The following GRIA1 variants were observed in gnomAD, a reference collection of about 807,000 sequenced individuals.
The protein encoded by GRIA1 is glutamate receptor 1.
Under a neutral mutation model 99.2 loss-of-function variants are expected in GRIA1, and 31 were observed. The observed-to-expected ratio is 0.31, with a 90% CI of 0.23 to 0.42. GRIA1 has a LOEUF of 0.42. Among genes scored for constraint, GRIA1 ranks in the 10% least tolerant of loss-of-function variants. The pLI is 1.00. For synonymous variants in GRIA1, 438 were observed against 432.4 expected, an observed-to-expected ratio of 1.01 and a Z score of -0.16; for missense variants, 782 against 1,157.5, an observed-to-expected ratio of 0.68 and a Z score of 4.71.
intron 2 of GRIA1, among the ~76,000 whole-genome samples, chr5:153,533,525 A>G (rs1246362906): frequency 6.6e-6 from 1 of 151,926 alleles, no homozygotes; most frequent in Non-Finnish European, 1.5e-5. Context: ...TCCATTTCCC[A>G]CTCTTTAAAC....
intron 2 of GRIA1, among the ~76,000 whole-genome samples, chr5:153,613,085 C>T (rs755235254): frequency 6.6e-6 from 1 of 152,126 alleles, no homozygotes; most frequent in Non-Finnish European, 1.5e-5. Flanking sequence ...GGAGTCGGTC[C>T]TTTTTGGACT....
chr5:153,768,505 C>T (rs967060436), intron 12 of GRIA1, among the ~76,000 whole-genome samples: 23 of 152,066 alleles, frequency 1.5e-4, no homozygotes, highest in African/African-American at 3.9e-4. Context: ...GACTGTAAAA[C>T]GAGTGATATA....
At chr5:153,600,150 C>G (rs1350241486) in intron 2 of GRIA1, among the ~76,000 whole-genome samples, 2 of 151,848 alleles carry the variant, frequency 1.3e-5, no homozygotes, top group Non-Finnish European at 2.9e-5. Flanking sequence ...CCAGCACTTT[C>G]GGAGGCCGAG....
At chr5:153,692,860 A>G (rs1174388440) in intron 8 of GRIA1, among the ~76,000 whole-genome samples, 1 of 152,178 alleles carries the variant, frequency 6.6e-6, no homozygotes, top group Non-Finnish European at 1.5e-5. Flanking sequence ...AGAGCACACT[A>G]TGCTAGCCCA....
At chr5:153,760,419 A>C (rs1015383487) in intron 11 of GRIA1, among the ~76,000 whole-genome samples, 1 of 152,080 alleles carries the variant, frequency 6.6e-6, no homozygotes, top group Non-Finnish European at 1.5e-5. Flanking sequence ...TCAAGAAAGC[A>C]ATTCCATTTA....
At chr5:153,552,404 A>T (rs1760234582) in intron 2 of GRIA1, among the ~76,000 whole-genome samples, 1 of 152,074 alleles carries the variant, frequency 6.6e-6, no homozygotes, top group Admixed American at 6.6e-5. Context: ...TGACTCCTAA[A>T]GGTATTTCAA....
chr5:153,650,914 A>AAT (rs1313225132), intron 4 of GRIA1, among the ~76,000 whole-genome samples: 10,441 of 149,184 alleles, frequency 0.07, 1,326 homozygotes, highest in African/African-American at 0.24. Flanking sequence ...AAAAAAAAAA[A>AAT]AAAAAAATTA....
intron 2 of GRIA1, among the ~76,000 whole-genome samples, chr5:153,606,933 C>T (rs569577350): frequency 9.6e-6 from 1 of 104,312 alleles, no homozygotes; most frequent in South Asian, 5.4e-4. Context: ...TCTTTTCTTA[C>T]AATACCCTTG....
intron 11 of GRIA1, among the ~76,000 whole-genome samples, chr5:153,736,805 C>T (rs954326963): frequency 5.3e-5 from 8 of 152,098 alleles, no homozygotes; most frequent in African/African-American, 1.2e-4. Context: ...ATATAGTGGA[C>T]GCTCTAATCC....
In GRIA1 at chr5:153,595,283, A is replaced by G. The variant is rs189680485; in HGVS notation, c.221-51645A>G. Among the ~76,000 whole-genome samples, 20 of 152,344 alleles carry G rather than the reference A, an allele frequency of 1.3e-4. No individual in the cohort carries two copies. The East Asian group carries it at 3.1e-3, about 24-fold the overall frequency. ...GTAGTTTTAGATTTACAGAAAGTTC[A>G]CAAGGTTAGTTCAGAGAGTTCCCAA... On this transcript the variant is annotated intron_variant, in intron 2 of 15. Transcript: ENST00000285900.
intron 2 of GRIA1, among the ~76,000 whole-genome samples, chr5:153,623,217 A>T (rs1305441097): frequency 6.6e-6 from 1 of 152,122 alleles, no homozygotes; most frequent in East Asian, 1.9e-4. Context: ...ACTGGGCTCA[A>T]TTGGAAAAAA....
In GRIA1 at chr5:153,768,521, T is replaced by C. The variant is rs142134320; in HGVS notation, c.2023-1647T>C. Among the ~76,000 whole-genome samples the C allele has an allele frequency of 2.4e-3, 367 of 152,272 alleles. 12 individuals are homozygous for C. The East Asian group carries it at 0.055, about 23-fold the overall frequency. On this transcript the variant is annotated intron_variant, in intron 12 of 15. Transcript: ENST00000285900. Reference sequence around the variant, plus strand: ...ACTGTAAAACGAGTGATATAGTTTATCTAATTATAGGCTATTAAAACTGAA... The same window carrying C: ...ACTGTAAAACGAGTGATATAGTTTACCTAATTATAGGCTATTAAAACTGAA...
intron 2 of GRIA1, among the ~76,000 whole-genome samples, chr5:153,631,618 CTT>C (rs1366738998): frequency 1.3e-5 from 2 of 152,092 alleles, no homozygotes; most frequent in African/African-American, 4.8e-5. Flanking sequence ...AAAATCTAAA[CTT>C]ATATTTATTT....
In GRIA1 at chr5:153,764,540, G is replaced by A. The variant is rs149598893; in HGVS notation, c.1930G>A (p.Val644Met). The A allele has an allele frequency of 6.2e-7, 1 of 1,613,350 alleles. No homozygotes were observed. The highest frequency in any genetic ancestry group is 1.3e-5 in the African/African-American group (1 of 74,924). ...LAAFLTVERMVSPIESAEDLA... is the reference protein window; with the variant it reads ...LAAFLTVERMMSPIESAEDLA... ...CGCCTTCCTGACCGTGGAGAGGATG[G>A]TGTCTCCCATTGAGAGTGCAGAGGA... The change falls in exon 12 of 16, where the codon GTG becomes ATG. Residue 644 changes from valine to methionine, a missense_variant. Val to Met is a conservative substitution (Grantham distance 21). Coordinates refer to ENST00000285900, the MANE Select transcript of GRIA1 (RefSeq NM_000827.4).
intron 2 of GRIA1, among the ~76,000 whole-genome samples, chr5:153,634,857 G>A (rs868174134): frequency 1.3e-5 from 2 of 152,240 alleles, no homozygotes; most frequent in Admixed American, 6.5e-5. Flanking sequence ...GGGGTCAGGA[G>A]TGAATTCAGA....
intron 2 of GRIA1, among the ~76,000 whole-genome samples, chr5:153,563,296 A>G (rs1460826816): frequency 6.6e-6 from 1 of 151,706 alleles, no homozygotes; most frequent in Non-Finnish European, 1.5e-5. Flanking sequence ...TCTGAGAGTT[A>G]TTTTCCAGCC....
intron 8 of GRIA1, among the ~76,000 whole-genome samples, chr5:153,691,558 A>C (rs1757756442): frequency 6.6e-6 from 1 of 152,198 alleles, no homozygotes; most frequent in South Asian, 2.1e-4. Context: ...AAGGGACACA[A>C]AGTCCTGCTG....
intron 2 of GRIA1, among the ~76,000 whole-genome samples, chr5:153,496,139 CA>C (rs1275084754): frequency 1.3e-5 from 2 of 152,188 alleles, no homozygotes; most frequent in African/African-American, 4.8e-5. Context: ...GGTTCTAAGG[CA>C]AAAGGTGGTG....
chr5:153,650,798 C>T (rs1023430484), intron 4 of GRIA1, among the ~76,000 whole-genome samples: 1 of 150,178 alleles, frequency 6.7e-6, no homozygotes, highest in Admixed American at 6.7e-5. Context: ...GTGGCTCAGG[C>T]CTGTAATCTC....
Sources: allele counts gnomAD v4.1 joint callset (sites outside exome capture counted in the v4.1 genomes callset), GRCh38; gene constraint gnomAD v4.1.1; transcripts MANE v1.5; gene names NCBI Gene and HGNC (gene_info 2026-07-23, HGNC 2026-07-21).